SVIL: variants seen among roughly 807,000 people sequenced by gnomAD.
SVIL encodes supervillin, also known as archvillin.
SVIL carries 101 observed loss-of-function variants against 240.4 expected under a neutral mutation model. That is an observed-to-expected ratio of 0.42 (90% CI 0.36 to 0.50). The LOEUF is 0.50. Among genes scored for constraint, SVIL ranks in the 20% least tolerant of loss-of-function variants. The pLI, the probability that SVIL is intolerant of heterozygous loss-of-function variation, is 0.01. For synonymous variants in SVIL, 999 were observed against 1,100.0 expected, an observed-to-expected ratio of 0.91 and a Z score of 1.82; for missense variants, 2,512 against 2,818.7, an observed-to-expected ratio of 0.89 and a Z score of 2.46.
chr10:29,597,206 G>C (rs779299423), intron 1 of SVIL, among the ~76,000 whole-genome samples: 6 of 152,180 alleles, frequency 3.9e-5, no homozygotes, highest in Non-Finnish European at 5.9e-5. Context: ...GATATTGTGG[G>C]CATGTGCATA....
Position 29,532,872 on chromosome 10 carries a change from G to T in SVIL, c.1495C>A (p.Pro499Thr). 6.2e-7 allele frequency: 1 copy of T among 1,614,144 alleles called. No homozygotes were observed. The highest frequency in any genetic ancestry group is 8.5e-7 in the Non-Finnish European group (1 of 1,180,018). The change falls in exon 8 of 38, where the codon CCC becomes ACC. Residue 499 changes from proline to threonine, a missense_variant. Pro to Thr is a conservative substitution (Grantham distance 38). Transcript: ENST00000355867. ...GTGGGCTGGTGCGGAGCTTGAGGGG[G>T]TTGTGCCACGTTTTCCAGTTCCTTC... is the stretch of plus-strand genomic sequence containing the variant. The part of the protein sequence containing the change: ...HQKELENVAQ[P>T]PQAPHQPTER...
chr10:29,605,362 G>A (rs753038363), intron 1 of SVIL, among the ~76,000 whole-genome samples: 3 of 152,172 alleles, frequency 2.0e-5, no homozygotes, highest in South Asian at 2.1e-4. Context: ...CATCAGCCAC[G>A]GTTCCCGTCT....
intron 3 of SVIL, among the ~76,000 whole-genome samples, chr10:29,648,111 C>T (rs867410129): frequency 1.3e-5 from 2 of 152,118 alleles, no homozygotes; most frequent in Non-Finnish European, 2.9e-5. Flanking sequence ...CCCACAAGTC[C>T]CTTACCTGTC....
intron 1 of SVIL, among the ~76,000 whole-genome samples, chr10:29,595,766 G>A (rs989701765): frequency 6.6e-6 from 1 of 152,138 alleles, no homozygotes; most frequent in Non-Finnish European, 1.5e-5. Flanking sequence ...GTTCTGTGAT[G>A]GCACTTTACC....
chr10:29,609,364 C>T (rs1957150850), intron 1 of SVIL, among the ~76,000 whole-genome samples: 1 of 152,232 alleles, frequency 6.6e-6, no homozygotes, highest in Non-Finnish European at 1.5e-5. Context: ...CCACCCTCTG[C>T]TGGTGCTGAG....
rs1327343897 is a variant in SVIL, at chr10:29,467,776, C to A, written c.5943G>T (p.Arg1981Ser). Residue 1981 changes from arginine (R) to serine (S), a missense_variant, in exon 33 of 38, where the codon AGG becomes AGT. By Grantham distance (110) the Arg-to-Ser change is moderately radical. This residue lies in a region of SVIL where 797 missense variants were observed against 925.3 expected (regional missense o/e 0.86). Coordinates refer to ENST00000355867, the MANE Select transcript of SVIL (RefSeq NM_021738.3). Reference protein sequence around the residue: ...EPLGFWDALGRRDRKAYDCML... With the variant: ...EPLGFWDALGSRDRKAYDCML... ...TGCAATCGTAGGCTTTCCTGTCTCTCCTTCCTAAGGCATCCCAGAATCCGA... is the reference window on the plus strand; with the variant it reads ...TGCAATCGTAGGCTTTCCTGTCTCTACTTCCTAAGGCATCCCAGAATCCGA... 1.2e-6 allele frequency: 2 copies of A among 1,614,180 alleles called. No individual in the cohort carries two copies. Among genetic ancestry groups the A allele is most frequent in the East Asian group, 4.5e-5 (2 of 44,886 alleles).
rs1233643748 is a variant in SVIL, at chr10:29,484,738, G to T, written c.4873C>A (p.His1625Asn). ...QRKIAFQLAK[H>N]LWNGTFDYEN... ...TAGTCAAAGGTTCCATTCCATAAGTGCTTTGCCAGCTGAAATGCTATTTTT... is the reference window on the plus strand; with the variant it reads ...TAGTCAAAGGTTCCATTCCATAAGTTCTTTGCCAGCTGAAATGCTATTTTT... The change falls in exon 27 of 38, where the codon CAC becomes AAC. Residue 1625 changes from histidine (H) to asparagine (N), a missense_variant. His to Asn is a moderately conservative substitution (Grantham distance 68, BLOSUM62 1). Coordinates refer to ENST00000355867, the MANE Select transcript of SVIL (RefSeq NM_021738.3). This position sits in a 1 kb window ranked among gnomAD's most constrained non-coding sequence, Gnocchi z 4.7. 1.2e-6 allele frequency: 2 copies of T among 1,614,004 alleles called. No individual in the cohort carries two copies. The highest frequency in any genetic ancestry group is 2.2e-5 in the South Asian group (2 of 91,070).
chr10:29,524,499 C>T lies in SVIL; in HGVS notation c.2559G>A (p.Gln853=), dbSNP rs752736917. ...GCTCCACCTCTCCCAGTGTGACTGG[C>T]TGAGTTTGATAGCGAGCGTTCATTC... The part of the protein sequence containing the change: ...QRRMNARYQT[Q]PVTLGEVEQV... Residue 853 remains glutamine (Q), a synonymous_variant, in exon 14 of 38, where the codon CAG becomes CAA. Coordinates refer to ENST00000355867, the MANE Select transcript of SVIL (RefSeq NM_021738.3). 6 of 1,614,090 alleles carry T rather than the reference C, an allele frequency of 3.7e-6. No homozygotes were observed. The highest frequency in any genetic ancestry group is 5.1e-6 in the Non-Finnish European group (6 of 1,180,050).
intron 29 of SVIL, 112 bp downstream of exon 29, chr10:29,480,425 C>A: frequency 7.4e-7 from 1 of 1,348,648 alleles, no homozygotes; most frequent in Non-Finnish European, 1.0e-6. Context: ...CTGCAGTGCC[C>A]CACTGCACGG....
chr10:29,492,255 T>C (rs776085346), intron 21 of SVIL, among the ~76,000 whole-genome samples: 4 of 152,030 alleles, frequency 2.6e-5, no homozygotes, highest in African/African-American at 7.2e-5. Flanking sequence ...GGGGCTCAAG[T>C]TGAAGCCAAG....
At chr10:29,615,541 T>C (rs1048298300) in intron 1 of SVIL, among the ~76,000 whole-genome samples, 11 of 151,924 alleles carry the variant, frequency 7.2e-5, no homozygotes, top group Non-Finnish European at 7.3e-5. Context: ...CAAAAACACT[T>C]AATTACTTTC....
At chr10:29,531,330 TG>T in intron 9 of SVIL, 42 bp from the exon 10 acceptor site, 1 of 1,570,524 alleles carries the variant, frequency 6.4e-7, no homozygotes, top group Non-Finnish European at 8.7e-7. Context: ...CATTAGCAGG[TG>T]GGAGCAGAAG....
chr10:29,582,141 T>G (rs183747307), intron 1 of SVIL, among the ~76,000 whole-genome samples: 127 of 152,330 alleles, frequency 8.3e-4, no homozygotes, highest in African/African-American at 2.8e-3. Flanking sequence ...ATGGTGGTGA[T>G]GGCTGCACAC....
chr10:29,531,900 C>T, intron 9 of SVIL, 102 bp downstream of exon 9: 3 of 1,310,552 alleles, frequency 2.3e-6, no homozygotes, highest in Non-Finnish European at 3.2e-6. Flanking sequence ...ATTATGGAAT[C>T]GCCAACATCC....
At chr10:29,471,054 A>T in intron 31 of SVIL, 84 bp downstream of exon 31, 1 of 1,249,426 alleles carries the variant, frequency 8.0e-7, no homozygotes, top group Non-Finnish European at 1.1e-6. Flanking sequence ...ATGAAGACAG[A>T]CTCACTTTCA....
chr10:29,484,804 C>G lies in SVIL; in HGVS notation c.4807G>C (p.Val1603Leu), dbSNP rs764464683. Residue 1603 changes from valine to leucine, a missense_variant, in exon 27 of 38, where the codon GTT (valine) becomes CTT (leucine). By Grantham distance (32) the Val-to-Leu change is conservative. This residue lies in a region of SVIL where 797 missense variants were observed against 925.3 expected (regional missense o/e 0.86). Transcript: ENST00000355867. The surrounding 1 kb of genome is among the most constrained non-coding windows in gnomAD (Gnocchi z 4.7). Reference sequence around the variant, plus strand: ...ACTTCTTTCCCATGCCATACGTAAACTTCACTACCAAAATCAAACACCAGT... The same window carrying G: ...ACTTCTTTCCCATGCCATACGTAAAGTTCACTACCAAAATCAAACACCAGT... ...EVLVFDFGSE[V>L]YVWHGKEVTL... 1.9e-6 allele frequency: 3 copies of G among 1,611,700 alleles called. No homozygotes were observed. Among genetic ancestry groups the G allele is most frequent in the Non-Finnish European group, 2.5e-6 (3 of 1,179,144 alleles).
chr10:29,605,232 C>T lies in SVIL; in HGVS notation c.-201+29188G>A, dbSNP rs930192008. Among the ~76,000 whole-genome samples, 5 of 152,334 alleles carry T rather than the reference C, an allele frequency of 3.3e-5. No individual in the cohort carries two copies. In the East Asian group the frequency reaches 9.6e-4, roughly 29 times the overall value. ...GGTCTGTGATTTACTTAGTCCTCTA[C>T]GGATGGGCCTTAAGGTTTCTATTCT... On this transcript the variant is annotated intron_variant, in intron 1 of 37. Transcript: ENST00000355867.
chr10:29,660,787 A>G (rs556079297), intron 2 of SVIL, among the ~76,000 whole-genome samples: 6 of 152,380 alleles, frequency 3.9e-5, no homozygotes, highest in African/African-American at 1.4e-4. Context: ...GTGCACAGCA[A>G]TCGCCTTGGG....
At chr10:29,640,435 C>T (rs555586125) in intron 3 of SVIL, among the ~76,000 whole-genome samples, 174 of 152,248 alleles carry the variant, frequency 1.1e-3, no homozygotes, top group African/African-American at 4.1e-3. Flanking sequence ...CCCAGGACTC[C>T]GAGCCTGCTG....
Sources: allele counts gnomAD v4.1 joint callset (sites outside exome capture counted in the v4.1 genomes callset), GRCh38; gene constraint gnomAD v4.1.1; regional missense constraint gnomAD v4.1.1; non-coding constraint Gnocchi (gnomAD v3.1); transcripts MANE v1.5; gene names NCBI Gene and HGNC (gene_info 2026-07-23, HGNC 2026-07-21).